The following HSF2BP variants were observed in gnomAD, a reference collection of about 807,000 sequenced individuals.
The protein encoded by HSF2BP is heat shock transcription factor 2 binding protein.
HSF2BP carries 35 observed loss-of-function variants against 35.0 expected under a neutral mutation model. The ratio of observed to expected loss-of-function variants is 1.00; its 90% CI spans 0.76 to 1.32. HSF2BP has a LOEUF of 1.32. HSF2BP is among the 40% of genes most tolerant of loss of function. The probability of loss-of-function intolerance (pLI) is 0.00; values close to 1 mark genes in which losing one functional copy is unlikely to be tolerated. For synonymous variants in HSF2BP, 114 were observed against 117.4 expected, an observed-to-expected ratio of 0.97 and a Z score of 0.18; for missense variants, 326 against 321.7, an observed-to-expected ratio of 1.01 and a Z score of -0.10.
At chr21:43,657,604 G>A (rs1025293472) in intron 2 of HSF2BP, among the ~76,000 whole-genome samples, 1 of 152,244 alleles carries the variant, frequency 6.6e-6, no homozygotes, top group Non-Finnish European at 1.5e-5. Flanking sequence ...GGTGGAAGCA[G>A]GATGTGAACA....
At chr21:43,609,296 G>A (rs1313808331) in intron 7 of HSF2BP, among the ~76,000 whole-genome samples, 1 of 152,162 alleles carries the variant, frequency 6.6e-6, no homozygotes, top group Non-Finnish European at 1.5e-5. Flanking sequence ...GAGGGAGGGA[G>A]AGGAACAAGG....
intron 7 of HSF2BP, among the ~76,000 whole-genome samples, chr21:43,598,986 T>C (rs1167323547): frequency 6.6e-6 from 1 of 152,222 alleles, no homozygotes; most frequent in Non-Finnish European, 1.5e-5. Flanking sequence ...TCTGACACTT[T>C]ACGGAAAAAG....
chr21:43,596,904 A>AAGGG (rs2081994563), intron 7 of HSF2BP, among the ~76,000 whole-genome samples: 1 of 136,014 alleles, frequency 7.4e-6, no homozygotes, highest in Non-Finnish European at 1.5e-5. Flanking sequence ...AAAAAAAAAA[A>AAGGG]AGAGAATTTT....
At chr21:43,574,700 C>T (rs1244439577) in intron 8 of HSF2BP, among the ~76,000 whole-genome samples, 1 of 152,248 alleles carries the variant, frequency 6.6e-6, no homozygotes, top group East Asian at 1.9e-4. Flanking sequence ...GCCTAGTCCT[C>T]CCCGACCCCA....
chr21:43,654,422 A>G (rs1219214405), intron 3 of HSF2BP, among the ~76,000 whole-genome samples: 4 of 152,240 alleles, frequency 2.6e-5, no homozygotes, highest in Admixed American at 2.6e-4. Flanking sequence ...TCCGCTTCGC[A>G]GTCAGACTTA....
At chr21:43,581,512 C>T (rs2081731736) in intron 8 of HSF2BP, among the ~76,000 whole-genome samples, 1 of 152,176 alleles carries the variant, frequency 6.6e-6, no homozygotes. Context: ...GACTGCAAGC[C>T]ATAGGGCTCC....
intron 8 of HSF2BP, among the ~76,000 whole-genome samples, chr21:43,575,141 G>T (rs2081626751): frequency 6.6e-6 from 1 of 152,202 alleles, no homozygotes; most frequent in Non-Finnish European, 1.5e-5. Flanking sequence ...GGACCTCCGG[G>T]ATTTGGAATT....
At chr21:43,653,368 CAAAATCAGGGGCCGAGATAATGACAGAT>C (rs1601733942) in intron 3 of HSF2BP, among the ~76,000 whole-genome samples, 2 of 152,008 alleles carry the variant, frequency 1.3e-5, no homozygotes, top group Non-Finnish European at 2.9e-5. Context: ...TAATGACAGA[CAAAATCAGGGGCCGAGATAATGACAGAT>C]AAAATCAGGG....
intron 8 of HSF2BP, among the ~76,000 whole-genome samples, chr21:43,574,478 C>A (rs1251141939): frequency 6.6e-6 from 1 of 152,166 alleles, no homozygotes; most frequent in African/African-American, 2.4e-5. Flanking sequence ...CTGCCTCAGC[C>A]TCCCAAGTAG....
chr21:43,640,176 C>T (rs1007698286), intron 4 of HSF2BP, among the ~76,000 whole-genome samples: 5 of 152,102 alleles, frequency 3.3e-5, no homozygotes, highest in African/African-American at 1.2e-4. Flanking sequence ...TGACATGTGC[C>T]TGTGGACCTA....
chr21:43,590,317 C>T (rs1328766934), intron 8 of HSF2BP, among the ~76,000 whole-genome samples: 2 of 152,170 alleles, frequency 1.3e-5, no homozygotes, highest in Non-Finnish European at 1.5e-5. Context: ...TGAAGTATCA[C>T]GGTATCCCTA....
chr21:43,612,748 G>T (rs2082224247), intron 7 of HSF2BP, among the ~76,000 whole-genome samples: 1 of 150,872 alleles, frequency 6.6e-6, no homozygotes, highest in Non-Finnish European at 1.5e-5. Flanking sequence ...AGGATTATTT[G>T]AACGCCTAGG....
intron 3 of HSF2BP, among the ~76,000 whole-genome samples, chr21:43,655,792 T>C (rs931407144): frequency 6.6e-6 from 1 of 152,168 alleles, no homozygotes; most frequent in Non-Finnish European, 1.5e-5. Flanking sequence ...GTACGGTGGA[T>C]GAGAACTGTC....
intron 3 of HSF2BP, among the ~76,000 whole-genome samples, chr21:43,653,968 T>C (rs775608299): frequency 1.3e-5 from 2 of 151,944 alleles, no homozygotes; most frequent in Non-Finnish European, 2.9e-5. Context: ...GGCAGGCCAG[T>C]GTAAGACAGG....
intron 6 of HSF2BP, among the ~76,000 whole-genome samples, chr21:43,622,474 G>A (rs1344405917): frequency 1.3e-5 from 2 of 152,088 alleles, no homozygotes; most frequent in Non-Finnish European, 2.9e-5. Context: ...AAAGTGAAGG[G>A]TGGAAAAAGA....
intron 4 of HSF2BP, among the ~76,000 whole-genome samples, chr21:43,639,523 G>T (rs1601711487): frequency 6.6e-6 from 1 of 152,124 alleles, no homozygotes; most frequent in Non-Finnish European, 1.5e-5. Flanking sequence ...AGAATACACA[G>T]ACAGAAAATA....
At chr21:43,616,597 T>C (rs1178836850) in intron 6 of HSF2BP, among the ~76,000 whole-genome samples, 1 of 151,910 alleles carries the variant, frequency 6.6e-6, no homozygotes, top group Non-Finnish European at 1.5e-5. Flanking sequence ...AAGCCGAGAT[T>C]GCACTACTGC....
chr21:43,584,851 C>G (rs2081826700), intron 8 of HSF2BP, among the ~76,000 whole-genome samples: 1 of 152,174 alleles, frequency 6.6e-6, no homozygotes, highest in East Asian at 1.9e-4. Flanking sequence ...GGGGCTTTGT[C>G]TCCTATCCCC....
intron 8 of HSF2BP, among the ~76,000 whole-genome samples, chr21:43,591,180 T>C (rs747941137): frequency 1.3e-5 from 2 of 152,144 alleles, no homozygotes; most frequent in Non-Finnish European, 2.9e-5. Context: ...TATGATGAAA[T>C]TGGGACAGAA....
Sources: allele counts gnomAD v4.1 joint callset (sites outside exome capture counted in the v4.1 genomes callset), GRCh38; gene constraint gnomAD v4.1.1; transcripts MANE v1.5; gene names NCBI Gene and HGNC (gene_info 2026-07-23, HGNC 2026-07-21).